The following FRY variants were observed in gnomAD, a reference collection of about 807,000 sequenced individuals.
FRY encodes FRY microtubule binding protein.
A neutral mutation model predicts 348.4 loss-of-function variants in FRY; 128 were observed. The observed-to-expected ratio is 0.37, with a 90% CI of 0.32 to 0.43. FRY has a LOEUF of 0.43. FRY is among the 20% of genes least tolerant of loss of function. FRY has a pLI of 1.00. For missense variants in FRY, 2,736 were observed against 3,695.2 expected (o/e 0.74, Z 6.73); for synonymous variants, 1,370 against 1,374.7 (o/e 1.00, Z 0.08).
chr13:32,196,963 C>T (rs1378381963), intron 29 of FRY, among the ~76,000 whole-genome samples: 1 of 152,114 alleles, frequency 6.6e-6, no homozygotes, highest in Non-Finnish European at 1.5e-5. Context: ...GAGAAAGAAA[C>T]TAAATGACTT....
chr13:32,177,452 G>A lies in FRY; in HGVS notation c.2422-725G>A, dbSNP rs151143876. Among the ~76,000 whole-genome samples, 1,013 of 152,196 alleles carry A rather than the reference G, an allele frequency of 6.7e-3. 6 individuals are homozygous for A. The highest frequency in any genetic ancestry group is 0.011 in the Non-Finnish European group (742 of 68,008). On this transcript the variant is annotated intron_variant, in intron 20 of 60. Coordinates refer to ENST00000542859, the MANE Select transcript of FRY (RefSeq NM_023037.3). ...TAAAAAATAATACAAAAATTAGCGA[G>A]GTGTGGTGGCGATTGCCTGTAATCC...
chr13:32,183,597 G>A (rs1327667171), intron 24 of FRY, among the ~76,000 whole-genome samples: 1 of 152,054 alleles, frequency 6.6e-6, no homozygotes, highest in Non-Finnish European at 1.5e-5. Flanking sequence ...CCAATATGGT[G>A]AAACCCCATC....
chr13:32,145,151 T>G (rs988349009), intron 11 of FRY, among the ~76,000 whole-genome samples: 1 of 152,042 alleles, frequency 6.6e-6, no homozygotes, highest in African/African-American at 2.4e-5. Flanking sequence ...GCAGAAGAGA[T>G]AGGTTAGAGC....
intron 7 of FRY, among the ~76,000 whole-genome samples, chr13:32,129,440 AAATT>A (rs1879217200): frequency 6.6e-6 from 1 of 152,216 alleles, no homozygotes; most frequent in African/African-American, 2.4e-5. Context: ...CTAATCTGAA[AAATT>A]AATATACCAT....
rs1391573456 is a variant in FRY at position 32,136,997 on chromosome 13, G to A, written c.1179+25G>A. On this transcript the variant is annotated intron_variant, in intron 11 of 60. Coordinates refer to ENST00000542859, the MANE Select transcript of FRY (RefSeq NM_023037.3). ...AGTTAGTATTTGTCAGCTCAAAAAC[G>A]ATCTCTTTAAAAAATTTACAGTAGT... The A allele has an allele frequency of 1.1e-5, 14 of 1,303,466 alleles. 1 individual carries two copies. Among genetic ancestry groups the A allele is most frequent in the Non-Finnish European group, 1.6e-5 (14 of 896,316 alleles). 80.7% of individuals were successfully genotyped at this position (1,303,466 alleles called of 1,614,324 possible).
chr13:32,259,981 G>A (rs1240844063), intron 51 of FRY, among the ~76,000 whole-genome samples: 1 of 152,122 alleles, frequency 6.6e-6, no homozygotes, highest in African/African-American at 2.4e-5. Flanking sequence ...TATCATATGT[G>A]AGGATGAATA....
At chr13:32,254,426 G>T in intron 51 of FRY, 32 bp downstream of exon 51, 1 of 1,580,212 alleles carries the variant, frequency 6.3e-7, no homozygotes, top group Non-Finnish European at 8.7e-7. Flanking sequence ...AATAATCCCC[G>T]CACCCTTTTC....
At chr13:32,114,776 A>G (rs1878195316) in intron 3 of FRY, among the ~76,000 whole-genome samples, 1 of 152,216 alleles carries the variant, frequency 6.6e-6, no homozygotes, top group Admixed American at 6.5e-5. Context: ...TGACTTCGGA[A>G]AGTAAATATC....
chr13:32,110,536 A>G (rs148899061), intron 3 of FRY, among the ~76,000 whole-genome samples: 1 of 152,066 alleles, frequency 6.6e-6, no homozygotes, highest in African/African-American at 2.4e-5. Context: ...TGTGACCCTT[A>G]CCTGTTGGAG....
rs71194514 is a variant in FRY at position 32,193,591 on chromosome 13, C to CTTTTTTTTTTTTTTTT, written c.3592-540_3592-539insTTTTTTTTTTTTTTTT. Among the ~76,000 whole-genome samples the CTTTTTTTTTTTTTTTT allele has an allele frequency of 1.5e-5, 2 of 130,286 alleles. 1 individual carries two copies. The allele number at this position is 130,286 out of a possible 152,430, so 85.5% of individuals were successfully genotyped here. A position where few individuals can be genotyped will look rare whatever the true frequency, so the allele number is the denominator to read the frequency against. ...AAAAATTGCCAATAAAGTCTTCGTCCTTTTTTTTTTTTGAGACCTAGTCTC... is the reference window on the plus strand; with the variant it reads ...AAAAATTGCCAATAAAGTCTTCGTCCTTTTTTTTTTTTTTTTTTTTTTTTTTTTGAGACCTAGTCTC... On this transcript the variant is annotated intron_variant, in intron 28 of 60. Coordinates refer to ENST00000542859, the MANE Select transcript of FRY (RefSeq NM_023037.3).
intron 29 of FRY, among the ~76,000 whole-genome samples, chr13:32,196,471 A>T (rs574886500): frequency 6.6e-6 from 1 of 152,168 alleles, no homozygotes; most frequent in African/African-American, 2.4e-5. Flanking sequence ...CCATTTTTGC[A>T]TAATTAATGT....
chr13:32,134,359 C>T (rs750558973), intron 8 of FRY, among the ~76,000 whole-genome samples: 75 of 152,288 alleles, frequency 4.9e-4, no homozygotes, highest in Non-Finnish European at 9.7e-4. Flanking sequence ...GAGAGGGAAA[C>T]GTTCCTGACT....
rs1886295500 is a variant in FRY, at chr13:32,237,803, G to A, written c.6235G>A (p.Ala2079Thr). The change falls in exon 44 of 61, where the codon GCT (alanine) becomes ACT (threonine). Residue 2079 changes from alanine to threonine, a missense_variant. Coordinates refer to ENST00000542859, the MANE Select transcript of FRY (RefSeq NM_023037.3). The surrounding 1 kb of genome is among the most constrained non-coding windows in gnomAD (Gnocchi z 6.3). ...RLLAHMPLDKAENREKLEKLQ... is the reference protein window; with the variant it reads ...RLLAHMPLDKTENREKLEKLQ... ...ACTGGCACATATGCCACTCGATAAG[G>A]CTGAGAACCGAGAAAAGCTTGAGAA... 1.2e-6 allele frequency: 2 copies of A among 1,614,190 alleles called. No homozygotes were observed. Among genetic ancestry groups the A allele is most frequent in the Non-Finnish European group, 1.7e-6 (2 of 1,180,026 alleles).
In FRY at chr13:32,032,457, A is replaced by G. The variant is rs537680672; in HGVS notation, c.70+592A>G. Among the ~76,000 whole-genome samples the G allele has an allele frequency of 9.8e-5, 15 of 152,308 alleles. No individual in the cohort carries two copies. The East Asian group carries it at 2.9e-3, about 29-fold the overall frequency. On this transcript the variant is annotated intron_variant, in intron 1 of 60. Transcript: ENST00000542859. ...TGGATGATGTTCTGAATGCCATTTA[A>G]TATTTGAATTTTTAAAAATCCTGAT...
intron 22 of FRY, among the ~76,000 whole-genome samples, chr13:32,179,325 A>G (rs1240900193): frequency 6.6e-6 from 1 of 152,204 alleles, no homozygotes; most frequent in Non-Finnish European, 1.5e-5. Flanking sequence ...ACACCACACT[A>G]CATTTCTTTC....
intron 13 of FRY, 58 bp downstream of exon 13, chr13:32,148,005 C>T (rs150399101): frequency 2.9e-4 from 279 of 956,262 alleles, no homozygotes; most frequent in Non-Finnish European, 4.5e-4. Flanking sequence ...CAGCCAGCCT[C>T]CTTCTTATGA....
intron 55 of FRY, among the ~76,000 whole-genome samples, chr13:32,274,062 C>G (rs1451297645): frequency 5.9e-5 from 9 of 152,194 alleles, no homozygotes; most frequent in Admixed American, 5.9e-4. Flanking sequence ...AAGGGATACT[C>G]AACCTGCACA....
At chr13:32,055,309 G>T (rs1253895957) in intron 1 of FRY, among the ~76,000 whole-genome samples, 1 of 152,120 alleles carries the variant, frequency 6.6e-6, no homozygotes, top group East Asian at 1.9e-4. Flanking sequence ...TCCCAAAGTG[G>T]TGGGATTGCA....
Position 32,296,841 on chromosome 13 carries a change from C to G in FRY, c.*1381C>G, listed in dbSNP as rs2072070728. 6.6e-6 allele frequency: 1 copy of G among 152,198 alleles called. No homozygotes were observed. Among genetic ancestry groups the G allele is most frequent in the Admixed American group, 6.5e-5 (1 of 15,280 alleles). 9.4% of individuals were successfully genotyped at this position (152,198 alleles called of 1,614,324 possible). On this transcript the variant is annotated 3_prime_UTR_variant, in exon 61 of 61. Coordinates refer to ENST00000542859, the MANE Select transcript of FRY (RefSeq NM_023037.3). ...ATCTCTTTGGAAGTTGGCATCAAAA[C>G]TGTGAGCTTCAACCAATTCTCTGTA...
Sources: allele counts gnomAD v4.1 joint callset (sites outside exome capture counted in the v4.1 genomes callset), GRCh38; gene constraint gnomAD v4.1.1; non-coding constraint Gnocchi (gnomAD v3.1); transcripts MANE v1.5; gene names NCBI Gene and HGNC (gene_info 2026-07-23, HGNC 2026-07-21).